USP40: variants seen among roughly 807,000 people sequenced by gnomAD.
USP40 encodes the protein ubiquitin specific peptidase 40, also known as ubiquitin carboxyl-terminal hydrolase 40.
USP40 carries 143 observed loss-of-function variants against 166.2 expected under a neutral mutation model. The observed-to-expected ratio is 0.86, with a 90% CI of 0.75 to 0.99. The LOEUF is 0.99. Among genes scored for constraint, USP40 ranks in the 50% least tolerant of loss-of-function variants. The probability of loss-of-function intolerance (pLI) is 0.00; values close to 1 mark genes in which losing one functional copy is unlikely to be tolerated. For missense variants in USP40, 1,444 were observed against 1,479.7 expected (o/e 0.98, Z 0.40); for synonymous variants, 498 against 524.0 (o/e 0.95, Z 0.68).
At chr2:233,512,750 G>T in intron 18 of USP40, 128 bp from the exon 19 acceptor site, 1 of 421,424 alleles carries the variant, frequency 2.4e-6, no homozygotes, top group Non-Finnish European at 4.1e-6. Context: ...GCTCTATTGT[G>T]TTAATTAGCA....
At chr2:233,555,504 C>A (rs911137571) in intron 5 of USP40, among the ~76,000 whole-genome samples, 3 of 152,018 alleles carry the variant, frequency 2.0e-5, no homozygotes, top group Non-Finnish European at 4.4e-5. Flanking sequence ...AAGTTAATGT[C>A]TTTAATTTAT....
At chr2:233,498,929 G>T (rs1018992137) in intron 22 of USP40, among the ~76,000 whole-genome samples, 2 of 152,096 alleles carry the variant, frequency 1.3e-5, no homozygotes, top group Admixed American at 6.5e-5. Context: ...ACTGAAATTT[G>T]GAATCAATAA....
rs2065476152 is a variant in USP40 at position 233,493,429 on chromosome 2, G to C, written c.2913C>G (p.Ser971Arg). 1.2e-6 allele frequency: 2 copies of C among 1,613,748 alleles called. No homozygotes were observed. Among genetic ancestry groups the C allele is most frequent in the Non-Finnish European group, 8.5e-7 (1 of 1,179,868 alleles). The change falls in exon 25 of 32, where the codon AGC (serine) becomes AGG (arginine). Residue 971 changes from serine to arginine, a missense_variant. Ser to Arg is a moderately radical substitution (Grantham distance 110, BLOSUM62 -1). Transcript: ENST00000678225. The surrounding 1 kb of genome is among the most constrained non-coding windows in gnomAD (Gnocchi z 4.7). The stretch of plus-strand genomic sequence containing the variant: ...GAAATCCCATTCTGTTCTCACCTTG[G>C]CTGGAAGTGGCTCTCCAAACTCTGC... ...SWGRVWRATS[S>R]QGASGNEPAQ...
At chr2:233,511,300 T>C (rs1353179457) in intron 20 of USP40, among the ~76,000 whole-genome samples, 1 of 152,176 alleles carries the variant, frequency 6.6e-6, no homozygotes, top group African/African-American at 2.4e-5. Flanking sequence ...TCATTCAACC[T>C]AAAATGCTAC....
In USP40 at chr2:233,519,732, G is replaced by A. The variant is rs938204566; in HGVS notation, c.2326-61C>T. On this transcript the variant is annotated intron_variant, in intron 17 of 31. Coordinates refer to ENST00000678225, the MANE Select transcript of USP40 (RefSeq NM_001365479.2). ...AAAAATGGGAGGAGATGAAAATGAGGATTGTCACTGTGTGCATAAACAAAT... is the reference window on the plus strand; with the variant it reads ...AAAAATGGGAGGAGATGAAAATGAGAATTGTCACTGTGTGCATAAACAAAT... The A allele has an allele frequency of 7.5e-6, 7 of 937,712 alleles. No homozygotes were observed. In the South Asian group the frequency reaches 1.1e-4, roughly 15 times the overall value. 58.1% of individuals were successfully genotyped at this position (937,712 alleles called of 1,614,324 possible). A position where few individuals can be genotyped will look rare whatever the true frequency, so the allele number is the denominator to read the frequency against.
chr2:233,525,379 T>C (rs558564669), intron 14 of USP40, 99 bp downstream of exon 14: 4 of 744,130 alleles, frequency 5.4e-6, no homozygotes, highest in Admixed American at 4.9e-5. Flanking sequence ...AAGAAAGTAG[T>C]AGGTGGGGAA....
Position 233,565,392 on chromosome 2 carries a change from G to C in USP40, c.163C>G (p.Leu55Val), listed in dbSNP as rs939674208. Residue 55 changes from leucine (L) to valine (V), a missense_variant, in exon 2 of 32, where the codon CTT becomes GTT. By Grantham distance (32) the Leu-to-Val change is conservative. Coordinates refer to ENST00000678225, the MANE Select transcript of USP40 (RefSeq NM_001365479.2). ...NQGGTCYLNSLLQTLHFTPEF... is the reference protein window; with the variant it reads ...NQGGTCYLNSVLQTLHFTPEF... ...GGTGTGAAATGAAGAGTCTGAAGAA[G>C]GGAATTGAGGTAACAGGTTCCACCC... 6.5e-7 allele frequency: 1 copy of C among 1,537,242 alleles called. No homozygotes were observed. The highest frequency in any genetic ancestry group is 1.2e-5 in the South Asian group (1 of 84,046).
At chr2:233,549,440 C>T (rs1434582212) in intron 7 of USP40, among the ~76,000 whole-genome samples, 1 of 151,950 alleles carries the variant, frequency 6.6e-6, no homozygotes, top group Non-Finnish European at 1.5e-5. Flanking sequence ...TCAAATTCTG[C>T]CTCTTAGTTG....
At chr2:233,494,989 TA>T (rs1174971344) in intron 24 of USP40, among the ~76,000 whole-genome samples, 1 of 114,524 alleles carries the variant, frequency 8.7e-6, no homozygotes, top group African/African-American at 3.7e-5. Flanking sequence ...TACACACACA[TA>T]AAAAATAAAT....
rs1013729250 is a variant in USP40, at chr2:233,480,361, C to T, written c.3599+842G>A. 3.3e-5 allele frequency among the ~76,000 whole-genome samples: 5 copies of T among 152,174 alleles called. No individual in the cohort carries two copies. The highest frequency in any genetic ancestry group is 2.1e-4 in the South Asian group (1 of 4,826). On this transcript the variant is annotated intron_variant, in intron 31 of 31. Coordinates refer to ENST00000678225, the MANE Select transcript of USP40 (RefSeq NM_001365479.2). The surrounding 1 kb of genome is among the most constrained non-coding windows in gnomAD (Gnocchi z 4.5). Reference sequence around the variant, plus strand: ...TAGGAGAGACCCAGAGTCCGTGAGTCGGGGAGTGGGGGAGGATGAGGACGC... The same window carrying T: ...TAGGAGAGACCCAGAGTCCGTGAGTTGGGGAGTGGGGGAGGATGAGGACGC...
intron 18 of USP40, among the ~76,000 whole-genome samples, chr2:233,518,027 G>A (rs1004906140): frequency 6.6e-6 from 1 of 151,322 alleles, no homozygotes; most frequent in Non-Finnish European, 1.5e-5. Context: ...GGACTTGGGG[G>A]GAAGGGTGGG....
In USP40 at chr2:233,476,945, G is replaced by A. The variant is rs1341628956; in HGVS notation, c.*447C>T. ...TCAGCACCAGCGCGGTGGCGCAGTG[G>A]CCTGAGACACTGTGAGAAGCCGGTC... On this transcript the variant is annotated 3_prime_UTR_variant, in exon 32 of 32. Transcript: ENST00000678225. 2 of 292,660 alleles carry A rather than the reference G, an allele frequency of 6.8e-6. No individual in the cohort carries two copies. The highest frequency in any genetic ancestry group is 1.3e-5 in the Non-Finnish European group (2 of 151,178). The allele number at this position is 292,660 out of a possible 1,614,324, so 18.1% of individuals were successfully genotyped here. A position where few individuals can be genotyped will look rare whatever the true frequency, so the allele number is the denominator to read the frequency against.
chr2:233,565,626 A>G, intron 1 of USP40, 53 bp from the exon 2 acceptor site: 1 of 1,435,050 alleles, frequency 7.0e-7, no homozygotes, highest in Non-Finnish European at 9.4e-7. Context: ...ATTTTCCCCA[A>G]ATCCCCCTAC....
chr2:233,528,807 C>G (rs999731884), intron 12 of USP40, among the ~76,000 whole-genome samples: 1 of 152,106 alleles, frequency 6.6e-6, no homozygotes, highest in African/African-American at 2.4e-5. Flanking sequence ...ACGGTAACAT[C>G]CATTTTCCTA....
At chr2:233,541,285 C>T (rs2069387560) in intron 9 of USP40, among the ~76,000 whole-genome samples, 1 of 152,072 alleles carries the variant, frequency 6.6e-6, no homozygotes, top group African/African-American at 2.4e-5. Flanking sequence ...GGAGATTAGA[C>T]CTTTAAAGAG....
At chr2:233,477,627 CA>C in intron 31 of USP40, 124 bp from the exon 32 acceptor site, 1 of 824,382 alleles carries the variant, frequency 1.2e-6, no homozygotes, top group Non-Finnish European at 1.9e-6. Context: ...TGCAATTGCA[CA>C]GACAGATCTC....
chr2:233,543,914 G>A (rs2069659583), intron 8 of USP40, among the ~76,000 whole-genome samples: 1 of 152,236 alleles, frequency 6.6e-6, no homozygotes, highest in African/African-American at 2.4e-5. Flanking sequence ...AAAGGAGGGA[G>A]TCGAGGGACT....
intron 9 of USP40, 79 bp downstream of exon 9, chr2:233,542,189 A>T: frequency 1.4e-6 from 1 of 701,014 alleles, no homozygotes; most frequent in Non-Finnish European, 2.1e-6. Context: ...AACCGCATAC[A>T]TTCTTACATA....
At chr2:233,562,884 T>TG in intron 2 of USP40, 81 bp from the exon 3 acceptor site, 4 of 1,062,218 alleles carry the variant, frequency 3.8e-6, no homozygotes, top group Non-Finnish European at 5.3e-6. Flanking sequence ...AGACCACCTT[T>TG]AAGTAAAATC....
Sources: gnomAD v4.1 joint callset for allele counts (sites outside exome capture counted in the v4.1 genomes callset) on GRCh38, gnomAD v4.1.1 for gene constraint, Gnocchi (gnomAD v3.1) non-coding constraint, MANE v1.5 for transcripts, NCBI Gene and HGNC (gene_info 2026-07-23, HGNC 2026-07-21) for gene names.